GRM8: variants seen among roughly 807,000 people sequenced by gnomAD.
The protein encoded by GRM8 is glutamate metabotropic receptor 8.
Under a neutral mutation model 87.2 loss-of-function variants are expected in GRM8, and 47 were observed. That is an observed-to-expected ratio of 0.54 (90% CI 0.43 to 0.69). The LOEUF (loss-of-function observed/expected upper bound fraction) is 0.69, where lower values mean the gene tolerates loss of function less well. GRM8 is among the 30% of genes least tolerant of loss of function. The probability of loss-of-function intolerance (pLI) is 0.00; values close to 1 mark genes in which losing one functional copy is unlikely to be tolerated. For missense variants in GRM8, 1,019 were observed against 1,139.2 expected (o/e 0.89, Z 1.52); for synonymous variants, 396 against 404.5 (o/e 0.98, Z 0.25).
At position 126,827,637 on chromosome 7, in the gene GRM8, A is replaced by G. The variant is rs1293670405; in HGVS notation, c.1157-57572T>C. 5.9e-5 allele frequency among the ~76,000 whole-genome samples: 9 copies of G among 152,260 alleles called. No homozygotes were observed. In the East Asian group the frequency reaches 1.7e-3, roughly 29 times the overall value. The stretch of plus-strand genomic sequence containing the variant: ...GGGCTGAGACAATGGGGTTTTCTAG[A>G]TATATAATCATGTCATCTGCAAACA... On this transcript the variant is annotated intron_variant, in intron 6 of 10. Coordinates refer to ENST00000339582, the MANE Select transcript of GRM8 (RefSeq NM_000845.3).
intron 6 of GRM8, among the ~76,000 whole-genome samples, chr7:126,771,799 C>T (rs1441448227): frequency 1.3e-5 from 2 of 151,988 alleles, no homozygotes; most frequent in Non-Finnish European, 2.9e-5. Flanking sequence ...CTAAAATATC[C>T]TACTGAAAGT....
At chr7:127,196,073 A>T (rs984254519) in intron 2 of GRM8, among the ~76,000 whole-genome samples, 1 of 152,240 alleles carries the variant, frequency 6.6e-6, no homozygotes, top group Non-Finnish European at 1.5e-5. Flanking sequence ...CAAAATAAAA[A>T]CATAGATAAT....
At chr7:126,866,255 T>C (rs1216216977) in intron 6 of GRM8, among the ~76,000 whole-genome samples, 3 of 152,192 alleles carry the variant, frequency 2.0e-5, no homozygotes, top group African/African-American at 7.2e-5. Context: ...AAATCCTTTA[T>C]CCATTTTTAA....
chr7:126,581,582 C>G (rs10255379), intron 8 of GRM8, among the ~76,000 whole-genome samples: 80,016 of 151,794 alleles, frequency 0.53, 21,395 homozygotes, highest in South Asian at 0.65. Flanking sequence ...ACTGTTTACT[C>G]TATACAAATA....
At chr7:126,839,862 T>C (rs933492534) in intron 6 of GRM8, among the ~76,000 whole-genome samples, 3 of 152,150 alleles carry the variant, frequency 2.0e-5, no homozygotes, top group Admixed American at 2.0e-4. Flanking sequence ...CAAGATCACT[T>C]TCTCATGAAC....
chr7:127,068,829 C>T (rs1483513837), intron 3 of GRM8, among the ~76,000 whole-genome samples: 1 of 152,112 alleles, frequency 6.6e-6, no homozygotes, highest in African/African-American at 2.4e-5. Context: ...ATCCTCCTGG[C>T]CTGTCTTCTC....
chr7:127,017,155 ACT>A (rs1380106992), intron 3 of GRM8, among the ~76,000 whole-genome samples: 1 of 152,062 alleles, frequency 6.6e-6, no homozygotes, highest in Non-Finnish European at 1.5e-5. Flanking sequence ...AGATTTTAAT[ACT>A]GTTTTCTGAT....
chr7:126,739,015 T>A (rs918867072), intron 7 of GRM8, among the ~76,000 whole-genome samples: 1 of 151,636 alleles, frequency 6.6e-6, no homozygotes, highest in Non-Finnish European at 1.5e-5. Context: ...GAAGGAAATA[T>A]TGGTACAGGG....
At chr7:126,795,978 C>T (rs576103246) in intron 6 of GRM8, among the ~76,000 whole-genome samples, 8 of 152,034 alleles carry the variant, frequency 5.3e-5, no homozygotes, top group Middle Eastern at 3.4e-3. Flanking sequence ...AATATATGAA[C>T]CTTAAAATAA....
chr7:126,650,671 C>T (rs73226921), intron 7 of GRM8, among the ~76,000 whole-genome samples: 3,573 of 152,018 alleles, frequency 0.024, 59 homozygotes, highest in Non-Finnish European at 0.037. Context: ...GAATAGACCT[C>T]TCTGAGTGGT....
chr7:127,193,036 A>G (rs1269828418), intron 2 of GRM8, among the ~76,000 whole-genome samples: 4 of 152,188 alleles, frequency 2.6e-5, no homozygotes, highest in Non-Finnish European at 4.4e-5. Flanking sequence ...TAATTTCTCT[A>G]CTGTCCATAT....
intron 9 of GRM8, among the ~76,000 whole-genome samples, chr7:126,477,638 A>AGAAAG (rs1563051485): frequency 6.6e-6 from 1 of 150,404 alleles, no homozygotes; most frequent in African/African-American, 2.4e-5. Flanking sequence ...AAAGAAAGAA[A>AGAAAG]AAACGAAAGA....
intron 7 of GRM8, among the ~76,000 whole-genome samples, chr7:126,759,084 G>T (rs768222433): frequency 1.3e-5 from 2 of 151,956 alleles, no homozygotes; most frequent in Admixed American, 6.6e-5. Context: ...TTTTAGTAGA[G>T]ATGGGGTTTC....
intron 2 of GRM8, among the ~76,000 whole-genome samples, chr7:127,195,910 A>G (rs1795256083): frequency 1.3e-5 from 2 of 152,168 alleles, no homozygotes; most frequent in South Asian, 4.2e-4. Context: ...CCGACACCCA[A>G]ATACAGCCTG....
intron 3 of GRM8, among the ~76,000 whole-genome samples, chr7:126,999,018 C>T (rs1191234004): frequency 6.6e-6 from 1 of 151,818 alleles, no homozygotes; most frequent in African/African-American, 2.4e-5. Flanking sequence ...TACTACAGGG[C>T]AATAACAAAT....
chr7:127,074,608 C>T (rs781582617), intron 3 of GRM8, among the ~76,000 whole-genome samples: 1 of 152,302 alleles, frequency 6.6e-6, no homozygotes, highest in East Asian at 1.9e-4. Flanking sequence ...TCAGACATGC[C>T]TCTCGAGATA....
intron 3 of GRM8, among the ~76,000 whole-genome samples, chr7:127,001,801 T>A (rs2132036330): frequency 6.6e-6 from 1 of 151,772 alleles, no homozygotes; most frequent in Middle Eastern, 3.4e-3. Flanking sequence ...CATCAGTATG[T>A]CAATGGATAG....
chr7:127,035,248 T>C (rs1005680549), intron 3 of GRM8, among the ~76,000 whole-genome samples: 2 of 152,152 alleles, frequency 1.3e-5, no homozygotes, highest in South Asian at 2.1e-4. Context: ...CACCATAGAA[T>C]CATTTCAAAG....
intron 8 of GRM8, among the ~76,000 whole-genome samples, chr7:126,597,341 C>T (rs890755546): frequency 6.6e-6 from 1 of 152,006 alleles, no homozygotes; most frequent in Non-Finnish European, 1.5e-5. Context: ...AATTAATATA[C>T]AATACTTTTC....
Sources: gnomAD v4.1 joint callset for allele counts (sites outside exome capture counted in the v4.1 genomes callset) on GRCh38, gnomAD v4.1.1 for gene constraint, MANE v1.5 for transcripts, NCBI Gene and HGNC (gene_info 2026-07-23, HGNC 2026-07-21) for gene names.